The following AHCYL2 variants were observed in gnomAD, a reference collection of about 807,000 sequenced individuals.
The protein encoded by AHCYL2 is adenosylhomocysteinase like 2.
A neutral mutation model predicts 81.4 loss-of-function variants in AHCYL2; 28 were observed. The observed-to-expected ratio is 0.34, with a 90% confidence interval of 0.25 to 0.47. The LOEUF (loss-of-function observed/expected upper bound fraction) is 0.47, where lower values mean the gene tolerates loss of function less well. AHCYL2 is among the 20% of genes least tolerant of loss of function. The pLI is 1.00. For synonymous variants in AHCYL2, 272 were observed against 290.2 expected, an observed-to-expected ratio of 0.94 and a Z score of 0.64; for missense variants, 551 against 785.1, an observed-to-expected ratio of 0.70 and a Z score of 3.56.
intron 1 of AHCYL2, among the ~76,000 whole-genome samples, chr7:129,325,132 G>A (rs1584785122): frequency 6.6e-6 from 1 of 152,052 alleles, no homozygotes; most frequent in Middle Eastern, 3.4e-3. Context: ...ATTCTTTTGT[G>A]TAGATCTGTC....
At chr7:129,413,280 T>C (rs1217065634) in intron 11 of AHCYL2, among the ~76,000 whole-genome samples, 3 of 151,958 alleles carry the variant, frequency 2.0e-5, no homozygotes, top group Non-Finnish European at 4.4e-5. Context: ...TAGCTGGGAC[T>C]AAAGGCACCC....
intron 12 of AHCYL2, among the ~76,000 whole-genome samples, chr7:129,417,079 C>A (rs753151343): frequency 1.1e-4 from 16 of 152,180 alleles, no homozygotes; most frequent in Non-Finnish European, 2.2e-4. Flanking sequence ...GAGCCAAAAT[C>A]GTGCCAGTGC....
chr7:129,344,771 C>T (rs943107631), intron 1 of AHCYL2, among the ~76,000 whole-genome samples: 8 of 152,020 alleles, frequency 5.3e-5, no homozygotes, highest in Middle Eastern at 3.4e-3. Context: ...CCAGGTCATG[C>T]GGAAAGAGTC....
chr7:129,392,777 A>T, intron 4 of AHCYL2, among the ~76,000 whole-genome samples: 1 of 152,366 alleles, frequency 6.6e-6, no homozygotes, highest in South Asian at 2.1e-4. Flanking sequence ...TAACAAAAGA[A>T]TCCAGTCCAT....
chr7:129,254,274 A>G (rs997686440), intron 1 of AHCYL2, among the ~76,000 whole-genome samples: 2 of 152,204 alleles, frequency 1.3e-5, no homozygotes, highest in African/African-American at 4.8e-5. Context: ...TACCTTAGGT[A>G]CAAAGCACCA....
intron 1 of AHCYL2, among the ~76,000 whole-genome samples, chr7:129,287,217 T>TATA (rs1282410274): frequency 4.6e-5 from 7 of 152,284 alleles, no homozygotes; most frequent in Admixed American, 6.5e-5. Context: ...AAAGAACAAA[T>TATA]ATAATCTTAG....
intron 7 of AHCYL2, among the ~76,000 whole-genome samples, chr7:129,403,902 C>CTAACCACA: frequency 7.3e-6 from 1 of 137,492 alleles, no homozygotes; most frequent in Non-Finnish European, 1.6e-5. Context: ...TTGGAGCCTG[C>CTAACCACA]TATGAGGTAA....
At chr7:129,382,970 T>C (rs2150892624) in intron 2 of AHCYL2, among the ~76,000 whole-genome samples, 1 of 152,298 alleles carries the variant, frequency 6.6e-6, no homozygotes, top group South Asian at 2.1e-4. Flanking sequence ...AGACTCATCC[T>C]TGGACCTCTT....
chr7:129,386,737 A>G (rs913236598), intron 2 of AHCYL2, among the ~76,000 whole-genome samples: 1 of 152,322 alleles, frequency 6.6e-6, no homozygotes, highest in Non-Finnish European at 1.5e-5. Context: ...CTAAAGAGGC[A>G]TAGGAAGGGC....
intron 1 of AHCYL2, among the ~76,000 whole-genome samples, chr7:129,268,110 A>G (rs1484470045): frequency 6.6e-6 from 1 of 152,232 alleles, no homozygotes; most frequent in African/African-American, 2.4e-5. Flanking sequence ...AGTTTAAACT[A>G]GTAATTAGTA....
rs528546783 is a variant in AHCYL2, at chr7:129,291,591, C to A, written c.363+66152C>A. 2.0e-5 allele frequency among the ~76,000 whole-genome samples: 3 copies of A among 148,370 alleles called. No homozygotes were observed. The South Asian group carries it at 6.4e-4, about 32-fold the overall frequency. ...ATCATGTGAATAATAAAATTTATTGCCACAAAGTCTTTTTTTTTTCTTTTT... is the reference window on the plus strand; with the variant it reads ...ATCATGTGAATAATAAAATTTATTGACACAAAGTCTTTTTTTTTTCTTTTT... On this transcript the variant is annotated intron_variant, in intron 1 of 16. Coordinates refer to ENST00000325006, the MANE Select transcript of AHCYL2 (RefSeq NM_015328.4).
intron 1 of AHCYL2, chr7:129,375,535 C>A (rs1191496414): frequency 2.1e-6 from 2 of 951,474 alleles, no homozygotes; most frequent in South Asian, 3.9e-5. Flanking sequence ...TATGCGCATG[C>A]AAGTTGGGCC....
chr7:129,425,249 C>T, intron 15 of AHCYL2, 108 bp downstream of exon 15: 1 of 906,396 alleles, frequency 1.1e-6, no homozygotes, highest in Non-Finnish European at 1.7e-6. Flanking sequence ...AAAAAGGTAC[C>T]TTCATCTTGT....
In AHCYL2 at chr7:129,395,868, G is replaced by A. The variant is rs760747257; in HGVS notation, c.721-1354G>A. Among the ~76,000 whole-genome samples, 13 of 152,132 alleles carry A rather than the reference G, an allele frequency of 8.5e-5. No individual in the cohort carries two copies. In the East Asian group the frequency reaches 2.3e-3, roughly 27 times the overall value. On this transcript the variant is annotated intron_variant, in intron 4 of 16. Transcript: ENST00000325006. ...CACACTTTCCCACACCCAGCCTTTC[G>A]TAATTGTTCAAAAGTTTAGCTGATA...
At chr7:129,349,411 A>T (rs1416688366) in intron 1 of AHCYL2, among the ~76,000 whole-genome samples, 1 of 148,340 alleles carries the variant, frequency 6.7e-6, no homozygotes, top group East Asian at 2.0e-4. Flanking sequence ...AGGCGAGAGA[A>T]TCACCTGAGG....
At chr7:129,294,268 A>C (rs957498393) in intron 1 of AHCYL2, among the ~76,000 whole-genome samples, 1 of 152,174 alleles carries the variant, frequency 6.6e-6, no homozygotes, top group African/African-American at 2.4e-5. Flanking sequence ...GATTGATGCC[A>C]AAAAATCCCA....
intron 1 of AHCYL2, among the ~76,000 whole-genome samples, chr7:129,359,189 T>G (rs1793847501): frequency 6.6e-6 from 1 of 152,194 alleles, no homozygotes; most frequent in Non-Finnish European, 1.5e-5. Context: ...ATAAAACTTC[T>G]AGTAAATGCA....
At chr7:129,287,681 A>G (rs1796684154) in intron 1 of AHCYL2, among the ~76,000 whole-genome samples, 1 of 152,264 alleles carries the variant, frequency 6.6e-6, no homozygotes, top group South Asian at 2.1e-4. Flanking sequence ...TTTGAAAGTC[A>G]GATGCTGAGA....
At chr7:129,412,297 CTTTT>C (rs371565692) in intron 11 of AHCYL2, among the ~76,000 whole-genome samples, 1 of 140,914 alleles carries the variant, frequency 7.1e-6, no homozygotes, top group African/African-American at 2.6e-5. Context: ...AATTGCCAAA[CTTTT>C]TTTTTTTTTT....
Sources: gnomAD v4.1 joint callset for allele counts (sites outside exome capture counted in the v4.1 genomes callset) on GRCh38, gnomAD v4.1.1 for gene constraint, MANE v1.5 for transcripts, NCBI Gene and HGNC (gene_info 2026-07-23, HGNC 2026-07-21) for gene names.